Variants in IGF1R observed in about 807,000 individuals in gnomAD.
IGF1R encodes insulin like growth factor 1 receptor, also known as insulin-like growth factor 1 receptor.
Under a neutral mutation model 144.6 loss-of-function variants are expected in IGF1R, and 44 were observed. That is an observed-to-expected ratio of 0.30 (90% CI 0.24 to 0.39). The LOEUF (loss-of-function observed/expected upper bound fraction) is 0.39, where lower values mean the gene tolerates loss of function less well. Among genes scored for constraint, IGF1R ranks in the 10% least tolerant of loss-of-function variants. The pLI is 1.00. For missense variants in IGF1R, 1,355 were observed against 1,833.7 expected (o/e 0.74, Z 4.77); for synonymous variants, 795 against 722.8 (o/e 1.10, Z -1.60).
At chr15:98,899,651 T>G (rs1353549357) in intron 5 of IGF1R, 30 bp downstream of exon 5, 2 of 1,609,714 alleles carry the variant, frequency 1.2e-6, no homozygotes, top group African/African-American at 2.7e-5. Flanking sequence ...TGAGCTGACG[T>G]TCTATTACAA....
At chr15:98,751,042 C>T (rs553813733) in intron 2 of IGF1R, among the ~76,000 whole-genome samples, 4 of 152,274 alleles carry the variant, frequency 2.6e-5, no homozygotes, top group East Asian at 1.9e-4. Flanking sequence ...CCACCCACCT[C>T]GGCCTCCCAA....
At position 98,962,957 on chromosome 15, in the gene IGF1R, C is replaced by G. The variant is rs886051603; in HGVS notation, c.*5515C>G. The G allele has an allele frequency of 4.3e-6, 1 of 233,546 alleles. No individual in the cohort carries two copies. Among genetic ancestry groups the G allele is most frequent in the Non-Finnish European group, 8.5e-6 (1 of 118,040 alleles). 14.5% of individuals were successfully genotyped at this position (233,546 alleles called of 1,614,324 possible). A position where few individuals can be genotyped will look rare whatever the true frequency, so the allele number is the denominator to read the frequency against. ...AACGATCACTCATTTTTATGTCCCA[C>G]GTGTGTGTGTCCGCATCTTTCTGGT... On this transcript the variant is annotated 3_prime_UTR_variant, in exon 21 of 21. Coordinates refer to ENST00000650285, the MANE Select transcript of IGF1R (RefSeq NM_000875.5).
Position 98,959,157 on chromosome 15 carries a change from C to A in IGF1R, c.*1715C>A, listed in dbSNP as rs2017127639. On this transcript the variant is annotated 3_prime_UTR_variant, in exon 21 of 21. Coordinates refer to ENST00000650285, the MANE Select transcript of IGF1R (RefSeq NM_000875.5). ...ACTCACCGTGGTTGAGAAGCCTCAC[C>A]CTCTCTTTCCCTTGCCTTTGCTTAG... 1 of 233,444 alleles carries A rather than the reference C, an allele frequency of 4.3e-6. No individual in the cohort carries two copies. Among genetic ancestry groups the A allele is most frequent in the East Asian group, 6.0e-5 (1 of 16,590 alleles). 14.5% of individuals were successfully genotyped at this position (233,444 alleles called of 1,614,324 possible). A position where few individuals can be genotyped will look rare whatever the true frequency, so the allele number is the denominator to read the frequency against.
intron 10 of IGF1R, among the ~76,000 whole-genome samples, chr15:98,920,874 A>G (rs4966042): frequency 0.25 from 37,508 of 151,998 alleles, 4,780 homozygotes; most frequent in South Asian, 0.39. Flanking sequence ...GCCCTTTCCC[A>G]AAGCCCTCTG....
intron 4 of IGF1R, among the ~76,000 whole-genome samples, chr15:98,899,244 C>T (rs1199674435): frequency 1.3e-5 from 2 of 152,118 alleles, no homozygotes; most frequent in Non-Finnish European, 2.9e-5. Flanking sequence ...GCTGCAGTAC[C>T]CCCCAGCCTC....
intron 1 of IGF1R, among the ~76,000 whole-genome samples, chr15:98,651,354 C>T (rs1192176588): frequency 6.6e-6 from 1 of 152,204 alleles, no homozygotes; most frequent in Non-Finnish European, 1.5e-5. Context: ...TCTGGGCTCT[C>T]CTGCTCTTTG....
chr15:98,891,649 C>A lies in IGF1R; in HGVS notation c.953+12C>A. 1 of 1,598,950 alleles carries A rather than the reference C, an allele frequency of 6.3e-7. No individual in the cohort carries two copies. Among genetic ancestry groups the A allele is most frequent in the Non-Finnish European group, 8.5e-7 (1 of 1,179,490 alleles). Reference sequence around the variant, plus strand: ...AACGGCAGCCAGAGGTCAGTCGCGGCCACACGTGTGGTCACTACCCGCCCC... The same window carrying A: ...AACGGCAGCCAGAGGTCAGTCGCGGACACACGTGTGGTCACTACCCGCCCC... On this transcript the variant is annotated intron_variant, in intron 3 of 20. Coordinates refer to ENST00000650285, the MANE Select transcript of IGF1R (RefSeq NM_000875.5). The surrounding 1 kb of genome is among the most constrained non-coding windows in gnomAD (Gnocchi z 4.7).
intron 1 of IGF1R, among the ~76,000 whole-genome samples, chr15:98,685,283 C>A (rs535916427): frequency 6.6e-6 from 1 of 152,240 alleles, no homozygotes; most frequent in East Asian, 1.9e-4. Flanking sequence ...GCTGTGCTTG[C>A]CTTTGCAGTC....
At chr15:98,778,223 A>C (rs74325933) in intron 2 of IGF1R, among the ~76,000 whole-genome samples, 8,455 of 152,234 alleles carry the variant, frequency 0.056, 367 homozygotes, top group East Asian at 0.14. Flanking sequence ...CCTCGGAGTC[A>C]TGCCACATGG....
chr15:98,686,827 C>A (rs1252644096), intron 1 of IGF1R, among the ~76,000 whole-genome samples: 1 of 152,120 alleles, frequency 6.6e-6, no homozygotes. Context: ...TGCGCCATCA[C>A]TCCTGGTGAA....
In IGF1R at chr15:98,830,605, C is replaced by CT. The variant is rs60426791; in HGVS notation, c.641-60703dup. On this transcript the variant is annotated intron_variant, in intron 2 of 20. Transcript: ENST00000650285. ...CATGGTTCCAACATCTGATCATCAT[C>CT]TTTTTTTTTTTTTTTTTAGATGGAG... Among the ~76,000 whole-genome samples the CT allele has an allele frequency of 1.0e-2, 1,353 of 135,924 alleles. 6 individuals are homozygous for CT. Among genetic ancestry groups the CT allele is most frequent in the South Asian group, 0.019 (80 of 4,280 alleles). The allele number at this position is 135,924 out of a possible 152,430, so 89.2% of individuals were successfully genotyped here.
chr15:98,930,460 T>C (rs550959232), intron 15 of IGF1R, among the ~76,000 whole-genome samples, 155 bp downstream of exon 15: 4 of 152,314 alleles, frequency 2.6e-5, no homozygotes, highest in South Asian at 2.1e-4. Context: ...TTCTTTCTTT[T>C]TTTTTTTAAT....
intron 1 of IGF1R, among the ~76,000 whole-genome samples, chr15:98,676,288 C>T (rs2053042878): frequency 6.6e-6 from 1 of 152,098 alleles, no homozygotes; most frequent in Admixed American, 6.6e-5. Flanking sequence ...CAGGCATGTG[C>T]CACCATGCCC....
chr15:98,913,133 A>G lies in IGF1R; in HGVS notation c.1679A>G (p.Lys560Arg), dbSNP rs148974751. Residue 560 changes from lysine to arginine, a missense_variant, in exon 8 of 21, where the codon AAG becomes AGG. Lys to Arg is a conservative substitution (Grantham distance 26, BLOSUM62 2). Coordinates refer to ENST00000650285, the MANE Select transcript of IGF1R (RefSeq NM_000875.5). ...NMVDVDLPPN[K>R]DVEPGILLHG... ...GTGGACGTGGACCTCCCGCCCAACA[A>G]GGACGTGGAGCCCGGCATCTTACTA... is the stretch of plus-strand genomic sequence containing the variant. 319 of 1,614,138 alleles carry G rather than the reference A, an allele frequency of 2.0e-4. No homozygotes were observed. Among genetic ancestry groups the G allele is most frequent in the Non-Finnish European group, 2.6e-4 (309 of 1,180,046 alleles).
chr15:98,904,187 G>C (rs1043654844), intron 5 of IGF1R, among the ~76,000 whole-genome samples: 2 of 151,884 alleles, frequency 1.3e-5, no homozygotes, highest in Non-Finnish European at 2.9e-5. Flanking sequence ...GAGTAGCCGG[G>C]ACTACAGGCG....
At position 98,710,652 on chromosome 15, in the gene IGF1R, C is replaced by G. The variant is rs531444079; in HGVS notation, c.640+2545C>G. ...AAATGTGTTCTTAAATTTCACCTGC[C>G]TGTTTCCTTTTTATTCTTTTTTTTT... is the stretch of plus-strand genomic sequence containing the variant. On this transcript the variant is annotated intron_variant, in intron 2 of 20. Coordinates refer to ENST00000650285, the MANE Select transcript of IGF1R (RefSeq NM_000875.5). 4.7e-5 allele frequency among the ~76,000 whole-genome samples: 7 copies of G among 150,326 alleles called. No homozygotes were observed. In the South Asian group the frequency reaches 1.5e-3, roughly 32 times the overall value.
intron 2 of IGF1R, among the ~76,000 whole-genome samples, chr15:98,808,995 T>G (rs1279988511): frequency 1.3e-5 from 2 of 152,218 alleles, no homozygotes; most frequent in Non-Finnish European, 2.9e-5. Context: ...TGTAAAAGAT[T>G]CTTATCAACA....
intron 6 of IGF1R, among the ~76,000 whole-genome samples, chr15:98,909,590 T>C (rs2715418): frequency 1 from 151,874 of 152,340 alleles, 75,707 homozygotes; most frequent in Middle Eastern, 1. Flanking sequence ...CCAGTGTGCT[T>C]CAGCCCTATG....
At chr15:98,669,426 AC>A (rs1334266742) in intron 1 of IGF1R, among the ~76,000 whole-genome samples, 1 of 152,016 alleles carries the variant, frequency 6.6e-6, no homozygotes, top group East Asian at 1.9e-4. Context: ...TTTTCTTGCC[AC>A]CCTGGGCTTT....
Sources: allele counts gnomAD v4.1 joint callset (sites outside exome capture counted in the v4.1 genomes callset), GRCh38; gene constraint gnomAD v4.1.1; non-coding constraint Gnocchi (gnomAD v3.1); transcripts MANE v1.5; gene names NCBI Gene and HGNC (gene_info 2026-07-23, HGNC 2026-07-21).